FOCAD: variants seen among roughly 807,000 people sequenced by gnomAD.
The protein encoded by FOCAD is KIAA1797.
In FOCAD, 198 loss-of-function variants were observed where a neutral mutation model predicts 225.6. The observed-to-expected ratio is 0.88, with a 90% CI of 0.78 to 0.99. The LOEUF is 0.99. Among genes scored for constraint, FOCAD ranks in the 50% least tolerant of loss-of-function variants. FOCAD has a pLI of 0.00. For missense variants in FOCAD, 2,713 were observed against 2,123.6 expected (o/e 1.28, Z -5.46); for synonymous variants, 897 against 755.0 (o/e 1.19, Z -3.08).
chr9:20,794,617 A>T (rs1424490776), intron 11 of FOCAD, among the ~76,000 whole-genome samples: 2 of 152,210 alleles, frequency 1.3e-5, no homozygotes, highest in African/African-American at 4.8e-5. Flanking sequence ...AGCACAAATG[A>T]TAATTTATCA....
chr9:20,916,856 A>G, intron 23 of FOCAD, 37 bp from the exon 24 acceptor site: 1 of 1,573,126 alleles, frequency 6.4e-7, no homozygotes, highest in Non-Finnish European at 8.6e-7. Flanking sequence ...TTCTTGTTCT[A>G]ACATAAACTC....
chr9:20,670,754 T>G (rs996801060), intron 2 of FOCAD, among the ~76,000 whole-genome samples: 1 of 151,992 alleles, frequency 6.6e-6, no homozygotes, highest in African/African-American at 2.4e-5. Flanking sequence ...GCTTAGAGAG[T>G]TAATTTGCCC....
chr9:20,936,404 A>G lies in FOCAD; in HGVS notation c.3407+3301A>G, dbSNP rs574881138. ...GTAAAGGGTTTCATCAGGAATAAAT[A>G]AAGTAAAATGTCCATTTAATAGGTG... On this transcript the variant is annotated intron_variant, in intron 28 of 43. Transcript: ENST00000338382. 2.1e-3 allele frequency among the ~76,000 whole-genome samples: 318 copies of G among 152,338 alleles called. 2 individuals carry two copies. The highest frequency in any genetic ancestry group is 7.3e-3 in the African/African-American group (303 of 41,574).
chr9:20,937,946 A>C (rs1356578718), intron 28 of FOCAD, among the ~76,000 whole-genome samples: 1 of 152,246 alleles, frequency 6.6e-6, no homozygotes, highest in Non-Finnish European at 1.5e-5. Flanking sequence ...TCTCAAAAGA[A>C]GACATTTATG....
chr9:20,863,032 C>A (rs540174442), intron 16 of FOCAD: 2 of 180,216 alleles, frequency 1.1e-5, no homozygotes, highest in South Asian at 3.4e-4. Flanking sequence ...GTTTTAAGTT[C>A]TAAAAAATAA....
intron 19 of FOCAD, among the ~76,000 whole-genome samples, chr9:20,878,391 A>G (rs955251702): frequency 5.3e-5 from 8 of 152,126 alleles, no homozygotes; most frequent in African/African-American, 1.9e-4. Context: ...TGGTGAGTAT[A>G]TATTCTCCAT....
At chr9:20,948,753 C>A in intron 31 of FOCAD, 98 bp from the exon 32 acceptor site, 1 of 1,311,438 alleles carries the variant, frequency 7.6e-7, no homozygotes, top group Non-Finnish European at 1.1e-6. Context: ...AGTTTGGTAC[C>A]AATTCGACCA....
chr9:20,743,053 T>G (rs1827760096), intron 5 of FOCAD, among the ~76,000 whole-genome samples: 1 of 152,090 alleles, frequency 6.6e-6, no homozygotes, highest in Non-Finnish European at 1.5e-5. Context: ...AGAGGAGAGG[T>G]GAGCCTGAAG....
chr9:20,787,004 C>A, intron 10 of FOCAD: 1 of 478,274 alleles, frequency 2.1e-6, no homozygotes, highest in Non-Finnish European at 4.2e-6. Flanking sequence ...CGCTTGATTG[C>A]ATCCTTGCCC....
At chr9:20,948,235 T>TA (rs1427049800) in intron 30 of FOCAD, 36 bp from the exon 31 acceptor site, 1 of 1,554,280 alleles carries the variant, frequency 6.4e-7, no homozygotes. Context: ...CTTTTTTTTT[T>TA]CTTTTTCTTA....
intron 1 of FOCAD, among the ~76,000 whole-genome samples, chr9:20,695,602 T>G (rs1335861928): frequency 6.6e-6 from 1 of 152,168 alleles, no homozygotes; most frequent in Non-Finnish European, 1.5e-5. Context: ...TAAAGAGATA[T>G]GAAATGGAAT....
chr9:20,845,132 C>T lies in FOCAD; in HGVS notation c.1921-17446C>T, dbSNP rs1826947363. ...CCAGGAAATGTCTAATTTCACAATC[C>T]CTCCCTCACTGACTCAATCAGTTTC... On this transcript the variant is annotated intron_variant, in intron 15 of 43. Coordinates refer to ENST00000338382, the MANE Select transcript of FOCAD (RefSeq NM_001375567.1). Among the ~76,000 whole-genome samples, 4 of 151,964 alleles carry T rather than the reference C, an allele frequency of 2.6e-5. No homozygotes were observed. In the South Asian group the frequency reaches 8.3e-4, roughly 32 times the overall value.
chr9:20,776,627 C>G (rs994384491), intron 8 of FOCAD, among the ~76,000 whole-genome samples: 10 of 152,186 alleles, frequency 6.6e-5, no homozygotes, highest in Non-Finnish European at 1.5e-4. Flanking sequence ...CTGGAGAAGG[C>G]CATTTTCATT....
intron 6 of FOCAD, among the ~76,000 whole-genome samples, chr9:20,763,758 C>T (rs140414276): frequency 1.3e-5 from 2 of 152,144 alleles, no homozygotes; most frequent in African/African-American, 4.8e-5. Context: ...GAAAGATAAA[C>T]AGAGGCCAAA....
chr9:20,824,953 T>C (rs769899353), intron 15 of FOCAD, among the ~76,000 whole-genome samples: 1 of 152,130 alleles, frequency 6.6e-6, no homozygotes, highest in Non-Finnish European at 1.5e-5. Flanking sequence ...TCTTTATAGA[T>C]ATTACCAATG....
intron 28 of FOCAD, among the ~76,000 whole-genome samples, chr9:20,941,332 C>T (rs957319431): frequency 2.1e-4 from 32 of 152,294 alleles, no homozygotes; most frequent in African/African-American, 7.5e-4. Flanking sequence ...ATGCAGTCAT[C>T]AATGACCCAA....
Position 20,714,055 on chromosome 9 carries a change from T to C in FOCAD, c.-32-1267T>C, listed in dbSNP as rs544939804. Among the ~76,000 whole-genome samples, 14 of 152,344 alleles carry C rather than the reference T, an allele frequency of 9.2e-5. No homozygotes were observed. The South Asian group carries it at 1.9e-3, about 20-fold the overall frequency. The stretch of plus-strand genomic sequence containing the variant: ...GGATAAATTACCCATTCAGGGAGTT[T>C]AGCTTTGGATAAAAGGGTGGAAAGT... On this transcript the variant is annotated intron_variant, in intron 1 of 43. Transcript: ENST00000338382.
chr9:20,751,165 T>A lies in FOCAD; in HGVS notation c.393-6925T>A, dbSNP rs541167626. Among the ~76,000 whole-genome samples the A allele has an allele frequency of 1.5e-4, 22 of 149,228 alleles. 1 individual carries two copies. Among genetic ancestry groups the A allele is most frequent in the East Asian group, 1.0e-3 (5 of 4,972 alleles). On this transcript the variant is annotated intron_variant, in intron 5 of 43. Coordinates refer to ENST00000338382, the MANE Select transcript of FOCAD (RefSeq NM_001375567.1). ...ACCTCTCCACTTCCATTTTTTTTTT[T>A]AATTATTGTTATACTTTAAGTTTTA...
At chr9:20,833,512 G>T (rs1825714525) in intron 15 of FOCAD, among the ~76,000 whole-genome samples, 1 of 152,066 alleles carries the variant, frequency 6.6e-6, no homozygotes, top group African/African-American at 2.4e-5. Flanking sequence ...TACCTGGCTT[G>T]CTTTTTCACA....
Sources: gnomAD v4.1 joint callset for allele counts (sites outside exome capture counted in the v4.1 genomes callset) on GRCh38, gnomAD v4.1.1 for gene constraint, MANE v1.5 for transcripts, NCBI Gene and HGNC (gene_info 2026-07-23, HGNC 2026-07-21) for gene names.